The following PTDSS1 variants were observed in gnomAD, a reference collection of about 807,000 sequenced individuals.
The protein encoded by PTDSS1 is phosphatidylserine synthase 1, also known as PSS-1.
In PTDSS1, 45 loss-of-function variants were observed where a neutral mutation model predicts 70.5. The observed-to-expected ratio is 0.64, with a 90% CI of 0.50 to 0.82. The LOEUF (loss-of-function observed/expected upper bound fraction) is 0.82, where lower values mean the gene tolerates loss of function less well. PTDSS1 is among the 40% of genes least tolerant of loss of function. The pLI, the probability that PTDSS1 is intolerant of heterozygous loss-of-function variation, is 0.00. For missense variants in PTDSS1, 417 were observed against 586.1 expected (o/e 0.71, Z 2.98); for synonymous variants, 188 against 203.8 (o/e 0.92, Z 0.66).
At chr8:96,289,913 C>T (rs889132405) in intron 4 of PTDSS1, among the ~76,000 whole-genome samples, 2 of 151,884 alleles carry the variant, frequency 1.3e-5, no homozygotes, top group African/African-American at 2.4e-5. Context: ...GAGAGAATGA[C>T]GGAGGTTGAC....
intron 4 of PTDSS1, among the ~76,000 whole-genome samples, chr8:96,287,828 C>G (rs1188740663): frequency 6.6e-6 from 1 of 152,086 alleles, no homozygotes; most frequent in Admixed American, 6.5e-5. Flanking sequence ...TGGGAAAAAC[C>G]AACTATTTTT....
chr8:96,306,410 G>A (rs1811124907), intron 7 of PTDSS1, 34 bp from the exon 8 acceptor site: 1 of 1,450,920 alleles, frequency 6.9e-7, no homozygotes. Context: ...TTAGCATGAG[G>A]TACCAGGTTG....
rs1810956187 is a variant in PTDSS1 at position 96,295,105 on chromosome 8, C to T, written c.449C>T (p.Ala150Val). ...CTTTTTTATTTTAAATAGGAGTATG[C>T]TGTGAACTGCCATGTGATCACCTGG... Reference protein sequence around the residue: ...ATREADVMEYAVNCHVITWER... With the variant: ...ATREADVMEYVVNCHVITWER... The change falls in exon 5 of 13, where the codon GCT becomes GTT. Residue 150 changes from alanine (A) to valine (V), a missense_variant. This residue lies in a region of PTDSS1 where 272 missense variants were observed against 429.5 expected (regional missense o/e 0.63). Coordinates refer to ENST00000517309, the MANE Select transcript of PTDSS1 (RefSeq NM_014754.3). 6.2e-7 allele frequency: 1 copy of T among 1,612,672 alleles called. No homozygotes were observed.
chr8:96,298,227 TGTAGCTTCTTGACAGCAGGTTCATTAAGA>T (rs1421588316), intron 5 of PTDSS1, among the ~76,000 whole-genome samples: 3 of 152,232 alleles, frequency 2.0e-5, no homozygotes, highest in Admixed American at 1.3e-4. Context: ...GCAGCTACTC[TGTAGCTTCTTGACAGCAGGTTCATTAAGA>T]ACAAAAAATT....
chr8:96,331,205 C>A, intron 12 of PTDSS1, 110 bp downstream of exon 12: 1 of 999,242 alleles, frequency 1.0e-6, no homozygotes, highest in Non-Finnish European at 1.5e-6. Context: ...CTCAGGCCTA[C>A]CCATTGAATG....
intron 4 of PTDSS1, among the ~76,000 whole-genome samples, chr8:96,288,413 C>T (rs938736955): frequency 1.3e-5 from 2 of 152,062 alleles, no homozygotes; most frequent in Admixed American, 6.5e-5. Flanking sequence ...CAGCCTCTGT[C>T]TCCCAGGTTC....
intron 9 of PTDSS1, among the ~76,000 whole-genome samples, chr8:96,318,091 G>A (rs1449401820): frequency 6.6e-6 from 1 of 152,092 alleles, no homozygotes; most frequent in African/African-American, 2.4e-5. Flanking sequence ...TTGGGAGGCT[G>A]AGGTGGGTGG....
intron 3 of PTDSS1, among the ~76,000 whole-genome samples, chr8:96,285,319 C>T (rs1286349923): frequency 6.6e-6 from 1 of 151,972 alleles, no homozygotes; most frequent in Non-Finnish European, 1.5e-5. Context: ...CCAGTGTGGC[C>T]CCAGTATAGT....
intron 6 of PTDSS1, among the ~76,000 whole-genome samples, chr8:96,300,699 A>T (rs1248608733): frequency 6.6e-6 from 1 of 152,256 alleles, no homozygotes; most frequent in Non-Finnish European, 1.5e-5. Context: ...ATCATTAAAT[A>T]TTCTTCTAAA....
intron 9 of PTDSS1, among the ~76,000 whole-genome samples, chr8:96,313,023 TTAAA>T (rs1333009615): frequency 6.6e-6 from 1 of 152,218 alleles, no homozygotes. Flanking sequence ...GAGCAGTGCC[TTAAA>T]TAGTGACTTT....
intron 1 of PTDSS1, among the ~76,000 whole-genome samples, chr8:96,272,081 G>A (rs558881582): frequency 3.9e-5 from 6 of 152,144 alleles, no homozygotes; most frequent in Non-Finnish European, 5.9e-5. Context: ...TGTTCTTCCT[G>A]TTAGTTGATT....
chr8:96,272,705 G>A (rs532181500), intron 1 of PTDSS1, among the ~76,000 whole-genome samples: 1 of 152,288 alleles, frequency 6.6e-6, no homozygotes, highest in East Asian at 1.9e-4. Context: ...GCAAACTTGT[G>A]ATCATTAGGG....
chr8:96,303,994 C>T (rs1345737764), intron 6 of PTDSS1, 46 bp from the exon 7 acceptor site: 3 of 1,553,314 alleles, frequency 1.9e-6, no homozygotes, highest in East Asian at 2.3e-5. Flanking sequence ...TTGTTTTCCC[C>T]CTGCCTTATC....
At chr8:96,316,737 T>C (rs990686087) in intron 9 of PTDSS1, among the ~76,000 whole-genome samples, 2 of 152,260 alleles carry the variant, frequency 1.3e-5, no homozygotes, top group East Asian at 1.9e-4. Flanking sequence ...CTCACTCCTG[T>C]AATCCCAAGC....
At chr8:96,316,722 A>ACG (rs2130145086) in intron 9 of PTDSS1, among the ~76,000 whole-genome samples, 1 of 152,264 alleles carries the variant, frequency 6.6e-6, no homozygotes, top group South Asian at 2.1e-4. Flanking sequence ...GGCCAGGCGA[A>ACG]GTGGCTCACT....
chr8:96,307,046 G>C (rs1811133962), intron 8 of PTDSS1, among the ~76,000 whole-genome samples: 1 of 152,090 alleles, frequency 6.6e-6, no homozygotes, highest in African/African-American at 2.4e-5. Flanking sequence ...ACTGAGATAA[G>C]CTTGGGTGTT....
intron 4 of PTDSS1, among the ~76,000 whole-genome samples, chr8:96,293,864 C>T (rs868276949): frequency 2.0e-5 from 3 of 151,500 alleles, no homozygotes; most frequent in South Asian, 2.1e-4. Flanking sequence ...GTTGACTGGA[C>T]GTGGCCCTGC....
intron 2 of PTDSS1, among the ~76,000 whole-genome samples, chr8:96,276,853 G>A (rs540624440): frequency 6.6e-6 from 1 of 152,268 alleles, no homozygotes; most frequent in South Asian, 2.1e-4. Flanking sequence ...TGTTGCTCAT[G>A]TGTTGTCTGT....
rs1586178320 is a variant in PTDSS1, at chr8:96,264,401, T to C, written c.179+2182T>C. The stretch of plus-strand genomic sequence containing the variant: ...GATTTCATTGAATGCTACTGTCTTC[T>C]AATTTATATTTATTATTGAACGAGG... On this transcript the variant is annotated intron_variant, in intron 1 of 12. Coordinates refer to ENST00000517309, the MANE Select transcript of PTDSS1 (RefSeq NM_014754.3). Among the ~76,000 whole-genome samples the C allele has an allele frequency of 2.0e-5, 3 of 152,388 alleles. No homozygotes were observed. In the East Asian group the frequency reaches 5.8e-4, roughly 29 times the overall value.
Sources: allele counts gnomAD v4.1 joint callset (sites outside exome capture counted in the v4.1 genomes callset), GRCh38; gene constraint gnomAD v4.1.1; regional missense constraint gnomAD v4.1.1; transcripts MANE v1.5; gene names NCBI Gene and HGNC (gene_info 2026-07-23, HGNC 2026-07-21).